PPP2R5C: variants seen among roughly 807,000 people sequenced by gnomAD.
PPP2R5C encodes the protein serine/threonine-protein phosphatase 2A 56 kDa regulatory subunit gamma isoform.
PPP2R5C carries 7 observed loss-of-function variants against 68.9 expected under a neutral mutation model. The observed-to-expected ratio is 0.10, with a 90% CI of 0.06 to 0.19. The LOEUF is 0.19. Among genes scored for constraint, PPP2R5C ranks in the 10% least tolerant of loss-of-function variants. The pLI, the probability that PPP2R5C is intolerant of heterozygous loss-of-function variation, is 1.00. For missense variants in PPP2R5C, 348 were observed against 641.3 expected (o/e 0.54, Z 4.94); for synonymous variants, 210 against 222.2 (o/e 0.95, Z 0.49).
At chr14:101,880,187 T>A (rs2044068911) in intron 2 of PPP2R5C, among the ~76,000 whole-genome samples, 1 of 152,132 alleles carries the variant, frequency 6.6e-6, no homozygotes, top group Non-Finnish European at 1.5e-5. Flanking sequence ...CCAGTGAGAG[T>A]CAGGTTAACT....
At chr14:101,869,864 C>G (rs1323788296) in intron 2 of PPP2R5C, among the ~76,000 whole-genome samples, 1 of 152,034 alleles carries the variant, frequency 6.6e-6, no homozygotes, top group Non-Finnish European at 1.5e-5. Context: ...GTTGCCCAAG[C>G]TGGTCTCGAA....
chr14:101,900,002 T>C (rs1368650934), intron 8 of PPP2R5C, among the ~76,000 whole-genome samples: 2 of 152,142 alleles, frequency 1.3e-5, no homozygotes, highest in Admixed American at 1.3e-4. Flanking sequence ...TCCTCCCACC[T>C]TAGCCTCTCG....
At chr14:101,892,704 T>A (rs1425448841) in intron 6 of PPP2R5C, among the ~76,000 whole-genome samples, 1 of 152,138 alleles carries the variant, frequency 6.6e-6, no homozygotes, top group Non-Finnish European at 1.5e-5. Flanking sequence ...CGGAGCACTA[T>A]ATGAAGTGTT....
At chr14:101,818,692 G>A (rs575366948) in intron 1 of PPP2R5C, 12 of 219,124 alleles carry the variant, frequency 5.5e-5, no homozygotes, top group Non-Finnish European at 8.4e-5. Flanking sequence ...GTGGCTTTCC[G>A]TGTCATTTCC....
At position 101,879,971 on chromosome 14, in the gene PPP2R5C, G is replaced by A. The variant is rs889999152; in HGVS notation, c.295-2190G>A. Reference sequence around the variant, plus strand: ...GAGCTTTTAGCATCTGCTTGTTCACGTCTGTGGGCTTTGGGGTCAGGGTGC... The same window carrying A: ...GAGCTTTTAGCATCTGCTTGTTCACATCTGTGGGCTTTGGGGTCAGGGTGC... On this transcript the variant is annotated intron_variant, in intron 2 of 13. Transcript: ENST00000334743. This position sits in a 1 kb window ranked among gnomAD's most constrained non-coding sequence, Gnocchi z 4.2. Among the ~76,000 whole-genome samples, 1 of 152,188 alleles carries A rather than the reference G, an allele frequency of 6.6e-6. No individual in the cohort carries two copies. The highest frequency in any genetic ancestry group is 1.5e-5 in the Non-Finnish European group (1 of 68,036).
chr14:101,780,079 T>C (rs2037603329), intron 2 of PPP2R5C, among the ~76,000 whole-genome samples: 1 of 152,162 alleles, frequency 6.6e-6, no homozygotes, highest in Admixed American at 6.5e-5. Flanking sequence ...ACTACATTAT[T>C]TTGAAGCAAA....
At chr14:101,773,951 T>C (rs1050554998) in intron 2 of PPP2R5C, among the ~76,000 whole-genome samples, 1 of 152,250 alleles carries the variant, frequency 6.6e-6, no homozygotes, top group Non-Finnish European at 1.5e-5. Context: ...TACCTCGGCC[T>C]TCCGAAGTGC....
chr14:101,879,568 T>A lies in PPP2R5C; in HGVS notation c.295-2593T>A, dbSNP rs2140873982. On this transcript the variant is annotated intron_variant, in intron 2 of 13. Coordinates refer to ENST00000334743, the Ensembl canonical transcript of PPP2R5C. The surrounding 1 kb of genome is among the most constrained non-coding windows in gnomAD (Gnocchi z 4.2). ...GCCAGGCATAGTCCTGTTCACAGAT[T>A]CCTCTGCCACCCAGAGTTCGTGCCC... 6.6e-6 allele frequency among the ~76,000 whole-genome samples: 1 copy of A among 152,316 alleles called. No homozygotes were observed. The highest frequency in any genetic ancestry group is 2.1e-4 in the South Asian group (1 of 4,816).
upstream of PPP2R5C, among the ~76,000 whole-genome samples, chr14:101,809,272 G>C (rs3803287): frequency 0.12 from 18,725 of 151,670 alleles, 1,278 homozygotes; most frequent in Admixed American, 0.18. Flanking sequence ...GGAAAAAATA[G>C]ATCTCAAGAA....
At chr14:101,892,105 G>A (rs982284851) in intron 6 of PPP2R5C, among the ~76,000 whole-genome samples, 4 of 152,060 alleles carry the variant, frequency 2.6e-5, no homozygotes, top group African/African-American at 7.2e-5. Context: ...ATAGGAGCCC[G>A]CCACCGCGCC....
In PPP2R5C at chr14:101,763,743, T is replaced by G. The variant is rs116086032; in HGVS notation, c.93+773T>G. Among the ~76,000 whole-genome samples, 689 of 152,278 alleles carry G rather than the reference T, an allele frequency of 4.5e-3. 4 individuals are homozygous for G. The highest frequency in any genetic ancestry group is 0.016 in the African/African-American group (651 of 41,544). On this transcript the variant is annotated intron_variant, in intron 2 of 14. Coordinates refer to the PPP2R5C transcript ENST00000328724. ...AACCCAGCAACCCTCCTGTATAGAT[T>G]GGTCTTATGCAGTCTATGGTGTTGC...
intron 3 of PPP2R5C, chr14:101,789,577 G>A (rs1406935842): frequency 6.6e-6 from 1 of 152,208 alleles, no homozygotes; most frequent in African/African-American, 2.4e-5. Flanking sequence ...TTTTCATAGT[G>A]TTTGGAACTA....
At chr14:101,880,835 A>G (rs1452573956) in intron 2 of PPP2R5C, among the ~76,000 whole-genome samples, 1 of 152,290 alleles carries the variant, frequency 6.6e-6, no homozygotes, top group African/African-American at 2.4e-5. Context: ...CAGTGGTGAC[A>G]TTGAGTATTA....
At chr14:101,922,722 G>A (rs1173127886) in intron 13 of PPP2R5C, among the ~76,000 whole-genome samples, 1 of 151,828 alleles carries the variant, frequency 6.6e-6, no homozygotes, top group Non-Finnish European at 1.5e-5. Flanking sequence ...GGAGACTGAG[G>A]CAGGAGGATC....
chr14:101,792,476 A>G (rs1215885439), intron 3 of PPP2R5C, among the ~76,000 whole-genome samples: 1 of 152,236 alleles, frequency 6.6e-6, no homozygotes, highest in Non-Finnish European at 1.5e-5. Flanking sequence ...TTCTGAAAGC[A>G]GTGATTTTTC....
intron 2 of PPP2R5C, among the ~76,000 whole-genome samples, chr14:101,864,242 G>A (rs1353699613): frequency 6.6e-6 from 1 of 152,158 alleles, no homozygotes; most frequent in Non-Finnish European, 1.5e-5. Flanking sequence ...ATCAGAAAAG[G>A]AATTGCTTGG....
chr14:101,854,266 G>A (rs879067539), intron 1 of PPP2R5C, among the ~76,000 whole-genome samples: 2 of 152,128 alleles, frequency 1.3e-5, no homozygotes, highest in Non-Finnish European at 2.9e-5. Context: ...TGAATGCAGC[G>A]TAGGAAACAG....
At chr14:101,826,953 G>A (rs964496929) in intron 1 of PPP2R5C, among the ~76,000 whole-genome samples, 2 of 148,316 alleles carry the variant, frequency 1.3e-5, no homozygotes, top group Admixed American at 6.7e-5. Flanking sequence ...TTATACTTAA[G>A]TGTAAAAATG....
rs968081896 is a variant in PPP2R5C, at chr14:101,890,099, C to T, written c.630-138C>T. The T allele has an allele frequency of 6.4e-6, 5 of 785,128 alleles. 1 individual carries two copies. In the South Asian group the frequency reaches 7.5e-5, roughly 12 times the overall value. 48.6% of individuals were successfully genotyped at this position (785,128 alleles called of 1,614,324 possible). A position where few individuals can be genotyped will look rare whatever the true frequency, so the allele number is the denominator to read the frequency against. ...AGGAGTTTCTTTGGTTCCTGAAGGG[C>T]TGCTTGCTCACCACGAGCAGTGTTT... On this transcript the variant is annotated intron_variant, in intron 5 of 13. Transcript: ENST00000334743.
Sources: gnomAD v4.1 joint callset for allele counts (sites outside exome capture counted in the v4.1 genomes callset) on GRCh38, gnomAD v4.1.1 for gene constraint, Gnocchi (gnomAD v3.1) non-coding constraint, MANE v1.5 for transcripts, NCBI Gene and HGNC (gene_info 2026-07-23, HGNC 2026-07-21) for gene names.